Variants in EIF3D observed in about 807,000 individuals in gnomAD.
EIF3D encodes eIF3 p66.
Under a neutral mutation model 75.4 loss-of-function variants are expected in EIF3D, and 10 were observed. The observed-to-expected ratio is 0.13, with a 90% CI of 0.08 to 0.22. The LOEUF (loss-of-function observed/expected upper bound fraction) is 0.22, where lower values mean the gene tolerates loss of function less well. Among genes scored for constraint, EIF3D ranks in the 10% least tolerant of loss-of-function variants. The pLI, the probability that EIF3D is intolerant of heterozygous loss-of-function variation, is 1.00. For synonymous variants in EIF3D, 246 were observed against 248.3 expected (o/e 0.99, Z 0.09); for missense variants, 394 against 708.0 (o/e 0.56, Z 5.03).
At chr22:36,528,071 C>T (rs776737267) in intron 1 of EIF3D, among the ~76,000 whole-genome samples, 2 of 152,108 alleles carry the variant, frequency 1.3e-5, no homozygotes, top group Non-Finnish European at 2.9e-5. Context: ...ACGTGTTAGG[C>T]CCTATACCAG....
chr22:36,520,982 CT>C (rs961047481), intron 6 of EIF3D, among the ~76,000 whole-genome samples: 6 of 152,052 alleles, frequency 3.9e-5, no homozygotes, highest in African/African-American at 1.4e-4. Flanking sequence ...GGCAGATCAC[CT>C]GAGGTCAGGA....
chr22:36,525,827 A>C (rs995316579), intron 2 of EIF3D, 118 bp from the exon 3 acceptor site: 1 of 1,467,306 alleles, frequency 6.8e-7, no homozygotes, highest in Non-Finnish European at 9.3e-7. Context: ...TGTTCACAAC[A>C]CCTCTGTAAG....
intron 12 of EIF3D, among the ~76,000 whole-genome samples, chr22:36,513,599 G>A (rs765539966): frequency 5.9e-5 from 9 of 152,182 alleles, no homozygotes; most frequent in Admixed American, 2.0e-4. Context: ...CACCGTGCCC[G>A]GCCAAGAATT....
chr22:36,522,428 T>A (rs1934528608), intron 6 of EIF3D, among the ~76,000 whole-genome samples: 1 of 152,288 alleles, frequency 6.6e-6, no homozygotes, highest in Middle Eastern at 3.4e-3. Flanking sequence ...ACTTTTCATA[T>A]ATGTGGCTAC....
In EIF3D at chr22:36,526,072, C is replaced by G; in HGVS notation, c.50G>C (p.Gly17Ala). ...PVIQDNPSGW[G>A]PCAVPEQFRD... ...AAACTGCTCGGGAACCGCACAGGGA[C>G]CCCAGCCTGAGGGGTTGTCCTGGAT... Residue 17 changes from glycine (G) to alanine (A), a missense_variant, in exon 2 of 15, where the codon GGT becomes GCT. Transcript: ENST00000216190. 6.2e-7 allele frequency: 1 copy of G among 1,613,382 alleles called. No individual in the cohort carries two copies. The highest frequency in any genetic ancestry group is 8.5e-7 in the Non-Finnish European group (1 of 1,179,662).
chr22:36,528,102 A>AC (rs538273993), intron 1 of EIF3D, among the ~76,000 whole-genome samples: 7 of 151,470 alleles, frequency 4.6e-5, no homozygotes, highest in African/African-American at 1.2e-4. Context: ...ACCATTGACC[A>AC]CCCCCCCACC....
At chr22:36,516,333 C>G in intron 12 of EIF3D, 145 bp downstream of exon 12, 1 of 1,006,094 alleles carries the variant, frequency 9.9e-7, no homozygotes, top group Non-Finnish European at 1.4e-6. Flanking sequence ...GGAAAAAACT[C>G]ACAAGACAAA....
At chr22:36,525,080 C>T (rs1327465930) in intron 3 of EIF3D, among the ~76,000 whole-genome samples, 2 of 152,052 alleles carry the variant, frequency 1.3e-5, no homozygotes, top group East Asian at 3.8e-4. Context: ...TTATCAGGGG[C>T]CCATGGCAGG....
rs1569002155 is a variant in EIF3D, at chr22:36,526,109, T to C, written c.13A>G (p.Met5Val). The C allele has an allele frequency of 6.2e-7, 1 of 1,605,480 alleles. No individual in the cohort carries two copies. The highest frequency in any genetic ancestry group is 8.5e-7 in the Non-Finnish European group (1 of 1,175,604). MAKF[M>V]TPVIQDNPSG... ...GGGTTGTCCTGGATCACGGGTGTCA[T>C]GAACTTTGCCATCTTCCAAAATCTG... The change falls in exon 2 of 15, where the codon ATG (methionine) becomes GTG (valine). Residue 5 changes from methionine to valine, a missense_variant. Coordinates refer to ENST00000216190, the MANE Select transcript of EIF3D (RefSeq NM_003753.4).
chr22:36,520,422 T>C (rs993838605), intron 7 of EIF3D, among the ~76,000 whole-genome samples, 154 bp downstream of exon 7: 3 of 152,142 alleles, frequency 2.0e-5, no homozygotes, highest in Non-Finnish European at 4.4e-5. Context: ...CCGGTCTTGA[T>C]TTTTTTCAAA....
In EIF3D at chr22:36,519,554, C is replaced by T. The variant is rs377559202; in HGVS notation, c.579-17G>A. 5.0e-6 allele frequency: 8 copies of T among 1,613,806 alleles called. No homozygotes were observed. Among genetic ancestry groups the T allele is most frequent in the African/African-American group, 1.3e-5 (1 of 75,026 alleles). ...CAACACTCACTGTGGGAAGAGCAGG[C>T]AAAGACATGCAAAGTAAGAGAGATA... On this transcript the variant is annotated splice_polypyrimidine_tract_variant and intron_variant, in intron 7 of 14. Coordinates refer to ENST00000216190, the MANE Select transcript of EIF3D (RefSeq NM_003753.4).
At chr22:36,516,941 TA>T in intron 10 of EIF3D, 151 bp from the exon 11 acceptor site, 1 of 705,588 alleles carries the variant, frequency 1.4e-6, no homozygotes, top group Non-Finnish European at 2.5e-6. Context: ...GTTTTGTGCC[TA>T]CTTGACCCCT....
At chr22:36,527,254 G>A (rs1200075339) in intron 1 of EIF3D, among the ~76,000 whole-genome samples, 4 of 152,222 alleles carry the variant, frequency 2.6e-5, no homozygotes, top group Non-Finnish European at 5.9e-5. Flanking sequence ...ACAATCCTGT[G>A]AGGTAGGAGC....
chr22:36,516,321 G>C (rs1934425748), intron 12 of EIF3D, 157 bp downstream of exon 12: 3 of 816,208 alleles, frequency 3.7e-6, no homozygotes, highest in East Asian at 5.2e-5. Context: ...GAACTAAGCA[G>C]AGGAAAAAAC....
Position 36,527,606 on chromosome 22 carries a change from C to T in EIF3D, c.-11+1470G>A, listed in dbSNP as rs568753839. ...CTGTAATCCCAGCACTTTGAGAGGC[C>T]GAGGTGGGCGGATCACGAGGTCAGC... On this transcript the variant is annotated intron_variant, in intron 1 of 14. Coordinates refer to ENST00000216190, the MANE Select transcript of EIF3D (RefSeq NM_003753.4). 2.0e-5 allele frequency among the ~76,000 whole-genome samples: 3 copies of T among 152,194 alleles called. No homozygotes were observed. The East Asian group carries it at 5.8e-4, about 29-fold the overall frequency.
chr22:36,527,111 G>C (rs6000294), intron 1 of EIF3D, among the ~76,000 whole-genome samples: 1 of 152,184 alleles, frequency 6.6e-6, no homozygotes, highest in African/African-American at 2.4e-5. Context: ...CATAAAGCCA[G>C]GCAGAAGAAC....
chr22:36,523,269 T>C lies in EIF3D; in HGVS notation c.405A>G (p.Arg135=), dbSNP rs1355405903. 4 of 1,613,482 alleles carry C rather than the reference T, an allele frequency of 2.5e-6. No homozygotes were observed. Among genetic ancestry groups the C allele is most frequent in the Non-Finnish European group, 3.4e-6 (4 of 1,179,606 alleles). The part of the protein sequence containing the change: ...SAKQKERERI[R]LQKKFQKQFG... ...ATTGTTTCTGGAACTTTTTCTGCAG[T>C]CGAATGCGTTCTCTGGAAAGACAGA... is the stretch of plus-strand genomic sequence containing the variant. Residue 135 remains arginine, a synonymous_variant, in exon 6 of 15, where the codon CGA becomes CGG. Coordinates refer to ENST00000216190, the MANE Select transcript of EIF3D (RefSeq NM_003753.4).
chr22:36,514,458 C>G (rs1934391322), intron 12 of EIF3D, among the ~76,000 whole-genome samples: 1 of 152,194 alleles, frequency 6.6e-6, no homozygotes, highest in South Asian at 2.1e-4. Context: ...GGCCGCAAAT[C>G]AGTTTACCTT....
rs1934338897 is a variant in EIF3D, at chr22:36,511,646, A to C, written c.1490T>G (p.Ile497Ser). The C allele has an allele frequency of 6.2e-7, 1 of 1,614,156 alleles. No individual in the cohort carries two copies. Among genetic ancestry groups the C allele is most frequent in the Non-Finnish European group, 8.5e-7 (1 of 1,180,040 alleles). Residue 497 changes from isoleucine (I) to serine (S), a missense_variant, in exon 14 of 15, where the codon ATC becomes AGC. Ile to Ser is a moderately radical substitution (Grantham distance 142). Coordinates refer to ENST00000216190, the MANE Select transcript of EIF3D (RefSeq NM_003753.4). The part of the protein sequence containing the change: ...AWGILRCVID[I>S]CMKLEEGKYL... ...TTTGCCCTCCTCCAGCTTCATGCAG[A>C]TGTCAATGACGCAGCGTAAAATGCC...
Sources: allele counts gnomAD v4.1 joint callset (sites outside exome capture counted in the v4.1 genomes callset), GRCh38; gene constraint gnomAD v4.1.1; transcripts MANE v1.5; gene names NCBI Gene and HGNC (gene_info 2026-07-23, HGNC 2026-07-21).